C1QTNF5: variants seen among roughly 807,000 people sequenced by gnomAD.
The protein encoded by C1QTNF5 is C1q and TNF related 5.
C1QTNF5 carries 5 observed loss-of-function variants against 10.9 expected under a neutral mutation model. That is an observed-to-expected ratio of 0.46 (90% CI 0.24 to 0.97). The LOEUF (loss-of-function observed/expected upper bound fraction) is 0.97. C1QTNF5 is among the 50% of genes least tolerant of loss of function. C1QTNF5 has a pLI of 0.19. For synonymous variants in C1QTNF5, 161 were observed against 156.5 expected (o/e 1.03, Z -0.22); for missense variants, 281 against 339.4 (o/e 0.83, Z 1.35).
upstream of C1QTNF5, among the ~76,000 whole-genome samples, chr11:119,343,358 A>G (rs187677508): frequency 1.4e-3 from 219 of 152,264 alleles, 2 homozygotes; most frequent in African/African-American, 5.1e-3. Flanking sequence ...AAAAAAATTA[A>G]AAAAGTAAAT....
upstream of C1QTNF5, chr11:119,344,087 G>A (rs1380801104): frequency 2.3e-6 from 3 of 1,329,404 alleles, no homozygotes; most frequent in Non-Finnish European, 2.1e-6. Context: ...ATCATTGGTG[G>A]TTCTTAAGGA....
chr11:119,346,159 C>T, the C1QTNF5 span: 2 of 1,588,064 alleles, frequency 1.3e-6, no homozygotes, highest in Non-Finnish European at 1.7e-6. Context: ...AGGACGCCGA[C>T]CTGCGGGTTG....
upstream of C1QTNF5, chr11:119,345,880 G>T: frequency 3.1e-6 from 5 of 1,613,686 alleles, no homozygotes; most frequent in Non-Finnish European, 4.2e-6. Context: ...AAGGCCTCCG[G>T]CAGGCAGTGG....
At chr11:119,340,153 G>A (rs1215143075) in intron 2 of C1QTNF5, 31 bp downstream of exon 2, 2 of 1,505,730 alleles carry the variant, frequency 1.3e-6, no homozygotes, top group Non-Finnish European at 1.8e-6. Flanking sequence ...CTCGGACATC[G>A]CCACCGATAG....
At position 119,339,482 on chromosome 11, in the gene C1QTNF5, C is replaced by A. The variant is rs945456363; in HGVS notation, c.581G>T (p.Gly194Val). Residue 194 changes from glycine to valine, a missense_variant, in exon 3 of 3, where the codon GGG becomes GTG. Gly to Val is a moderately radical substitution (Grantham distance 109). Coordinates refer to ENST00000528368, the MANE Select transcript of C1QTNF5 (RefSeq NM_001278431.2). The surrounding 1 kb of genome is among the most constrained non-coding windows in gnomAD (Gnocchi z 5.4). The part of the protein sequence containing the change: ...GWPKPASLSG[G>V]AMVRLEPEDQ... ...CTCAGGCTCCAGCCTCACCATGGCC[C>A]CCCCCGAGAGCGAGGCTGGCTTGGG... 6.2e-7 allele frequency: 1 copy of A among 1,613,494 alleles called. No individual in the cohort carries two copies. The highest frequency in any genetic ancestry group is 1.7e-5 in the Admixed American group (1 of 59,970).
chr11:119,344,630 A>G, upstream of C1QTNF5: 1 of 1,614,020 alleles, frequency 6.2e-7, no homozygotes, highest in Non-Finnish European at 8.5e-7. Context: ...CCTGGCCCGT[A>G]CCCGAGAACT....
chr11:119,346,334 G>A, the C1QTNF5 span: 17 of 1,614,050 alleles, frequency 1.1e-5, no homozygotes, highest in Admixed American at 2.8e-4. Context: ...AGGGCAGGGT[G>A]GCCCAGACTC....
At chr11:119,342,617 C>A (rs369531002), upstream of C1QTNF5, 2 of 1,613,404 alleles carry the variant, frequency 1.2e-6, no homozygotes, top group East Asian at 4.5e-5. Context: ...AACAAGGGGC[C>A]GCTGCAGTTG....
chr11:119,341,979 C>T, upstream of C1QTNF5: 1 of 1,613,662 alleles, frequency 6.2e-7, no homozygotes, highest in Non-Finnish European at 8.5e-7. Context: ...GGCTCACAGG[C>T]CAGCTCTGCA....
chr11:119,344,749 C>T (rs1950542193), upstream of C1QTNF5: 6 of 1,614,024 alleles, frequency 3.7e-6, no homozygotes, highest in East Asian at 8.9e-5. Flanking sequence ...TCATCATGGG[C>T]ACAGCTCCCT....
At chr11:119,345,647 G>T (rs201244815), upstream of C1QTNF5, 2 of 1,613,394 alleles carry the variant, frequency 1.2e-6, no homozygotes, top group East Asian at 2.2e-5. Context: ...CAGAGATGGA[G>T]GTTAGAGTTC....
In C1QTNF5 at chr11:119,339,111, T is replaced by C; in HGVS notation, c.*220A>G. ...CACTTGCCAGCACAGCACACTCCTC[T>C]GGTCTTGGGCAGAAATCCAGCCACT... On this transcript the variant is annotated 3_prime_UTR_variant, in exon 3 of 3. Coordinates refer to ENST00000528368, the MANE Select transcript of C1QTNF5 (RefSeq NM_001278431.2). This position sits in a 1 kb window ranked among gnomAD's most constrained non-coding sequence, Gnocchi z 5.4. The C allele has an allele frequency of 3.4e-6, 2 of 593,434 alleles. No individual in the cohort carries two copies. Among genetic ancestry groups the C allele is most frequent in the Non-Finnish European group, 5.9e-6 (2 of 339,590 alleles). The allele number at this position is 593,434 out of a possible 1,614,324, so 36.8% of individuals were successfully genotyped here.
chr11:119,345,584 G>C (rs140629667), upstream of C1QTNF5: 472 of 1,613,822 alleles, frequency 2.9e-4, no homozygotes, highest in Non-Finnish European at 3.2e-4. Context: ...GGTCTGGGTA[G>C]TTAGGGCTGC....
chr11:119,341,451 A>G (rs1591301458), upstream of C1QTNF5: 1 of 1,037,312 alleles, frequency 9.6e-7, no homozygotes, highest in Non-Finnish European at 1.4e-6. Context: ...AAGGATGGGT[A>G]GAGACCCTGC....
upstream of C1QTNF5, chr11:119,341,842 C>T (rs775002959): frequency 5.6e-6 from 9 of 1,613,956 alleles, no homozygotes; most frequent in African/African-American, 1.3e-5. Context: ...CCCTCCTTCC[C>T]TCCACCCAGA....
At chr11:119,344,523 G>T, upstream of C1QTNF5, 1 of 1,592,146 alleles carries the variant, frequency 6.3e-7, no homozygotes, top group Non-Finnish European at 8.6e-7. Context: ...GAATGACTGA[G>T]CAGGAAATGC....
chr11:119,344,733 C>T (rs201021366), upstream of C1QTNF5: 98 of 1,613,902 alleles, frequency 6.1e-5, no homozygotes, highest in South Asian at 9.9e-5. Context: ...CTGGTCACAG[C>T]GGAACTCATC....
chr11:119,344,454 G>A (rs778811113), upstream of C1QTNF5: 36 of 1,568,700 alleles, frequency 2.3e-5, no homozygotes, highest in Non-Finnish European at 3.1e-5. Flanking sequence ...AATAGGGCTG[G>A]CGGTGATTAC....
At chr11:119,343,433 C>T (rs1741582562), upstream of C1QTNF5, among the ~76,000 whole-genome samples, 2 of 152,234 alleles carry the variant, frequency 1.3e-5, no homozygotes, top group South Asian at 4.1e-4. Flanking sequence ...GGAAGGAGCA[C>T]TTGAAGCTGG....
Sources: gnomAD v4.1 joint callset for allele counts (sites outside exome capture counted in the v4.1 genomes callset) on GRCh38, gnomAD v4.1.1 for gene constraint, Gnocchi (gnomAD v3.1) non-coding constraint, MANE v1.5 for transcripts, NCBI Gene and HGNC (gene_info 2026-07-23, HGNC 2026-07-21) for gene names.